FBXO31: variants seen among roughly 807,000 people sequenced by gnomAD.
FBXO31 encodes F-box protein 31.
FBXO31 carries 24 observed loss-of-function variants against 54.4 expected under a neutral mutation model. The ratio of observed to expected loss-of-function variants is 0.44; its 90% CI spans 0.32 to 0.62. The LOEUF is 0.62. Ranked by LOEUF, FBXO31 falls within the 20% of genes least tolerant of loss-of-function variation. FBXO31 has a pLI of 0.05. For missense variants in FBXO31, 665 were observed against 787.1 expected (o/e 0.84, Z 1.86); for synonymous variants, 388 against 335.6 (o/e 1.16, Z -1.71).
chr16:87,380,028 G>T (rs555446717), intron 1 of FBXO31, among the ~76,000 whole-genome samples: 4 of 147,272 alleles, frequency 2.7e-5, no homozygotes, highest in Admixed American at 6.8e-5. Context: ...GGCCTGCCGC[G>T]GTGGCTCACG....
At chr16:87,344,291 G>A (rs1023733670) in intron 3 of FBXO31, among the ~76,000 whole-genome samples, 2 of 152,248 alleles carry the variant, frequency 1.3e-5, no homozygotes, top group African/African-American at 4.8e-5. Context: ...CAAAACCGAA[G>A]TGCAGGGGAG....
intron 1 of FBXO31, among the ~76,000 whole-genome samples, chr16:87,381,237 G>C (rs145617590): frequency 6.6e-6 from 1 of 151,812 alleles, no homozygotes; most frequent in South Asian, 2.1e-4. Context: ...CAATTTGTAA[G>C]ACAAAAATAG....
intron 1 of FBXO31, among the ~76,000 whole-genome samples, chr16:87,377,062 G>A (rs910555313): frequency 6.6e-6 from 1 of 152,248 alleles, no homozygotes; most frequent in Non-Finnish European, 1.5e-5. Context: ...TCGTGAAACT[G>A]AAAATCTAGT....
chr16:87,390,396 C>T (rs1406102234), upstream of FBXO31, among the ~76,000 whole-genome samples: 2 of 152,094 alleles, frequency 1.3e-5, no homozygotes, highest in Admixed American at 6.5e-5. Flanking sequence ...GTTGGCTTCT[C>T]TAGAAGAAAT....
rs181112443 is a variant in FBXO31 at position 87,369,841 on chromosome 16, C to T, written c.341-9475G>A. Among the ~76,000 whole-genome samples, 32 of 151,722 alleles carry T rather than the reference C, an allele frequency of 2.1e-4. No homozygotes were observed. In the South Asian group the frequency reaches 4.6e-3, roughly 22 times the overall value. ...TCAGCCAGGCGACAGACTGAGACTC[C>T]GTCTCAAAAATAAATAAATAAATAA... On this transcript the variant is annotated intron_variant, in intron 1 of 8. Coordinates refer to ENST00000311635, the MANE Select transcript of FBXO31 (RefSeq NM_024735.5).
At chr16:87,384,793 G>A (rs151151257), upstream of FBXO31, among the ~76,000 whole-genome samples, 438 of 152,340 alleles carry the variant, frequency 2.9e-3, 2 homozygotes, top group South Asian at 8.3e-3. Context: ...CCAGGAGGCC[G>A]AGGCTGTAGT....
At chr16:87,355,237 A>G (rs1341533024) in intron 2 of FBXO31, among the ~76,000 whole-genome samples, 1 of 152,162 alleles carries the variant, frequency 6.6e-6, no homozygotes, top group Non-Finnish European at 1.5e-5. Flanking sequence ...CGCAAGGTCC[A>G]AAGGACTTCA....
intron 1 of FBXO31, among the ~76,000 whole-genome samples, chr16:87,376,071 A>T (rs561156084): frequency 6.6e-6 from 1 of 152,110 alleles, no homozygotes; most frequent in Non-Finnish European, 1.5e-5. Flanking sequence ...TCCAGTTGCC[A>T]GTGTATTCCC....
rs769204237 is a variant in FBXO31 at position 87,335,474 on chromosome 16, G to A, written c.843-17C>T. ...AGGCAGTTGCTGTGGGGAGCGGACG[G>A]GTCAGTACAGGAGACCTCGTGGGGC... On this transcript the variant is annotated splice_polypyrimidine_tract_variant and intron_variant, in intron 6 of 8. Coordinates refer to ENST00000311635, the MANE Select transcript of FBXO31 (RefSeq NM_024735.5). This position sits in a 1 kb window ranked among gnomAD's most constrained non-coding sequence, Gnocchi z 5.7. 2.5e-6 allele frequency: 4 copies of A among 1,608,802 alleles called. No individual in the cohort carries two copies. The African/African-American group carries it at 5.3e-5, about 21-fold the overall frequency.
chr16:87,390,815 T>C (rs1238723778), upstream of FBXO31, among the ~76,000 whole-genome samples: 1 of 152,020 alleles, frequency 6.6e-6, no homozygotes, highest in African/African-American at 2.4e-5. Flanking sequence ...CAGTCAGGTC[T>C]CAAACTCCTG....
At chr16:87,383,900 C>T, upstream of FBXO31, 3 of 476,254 alleles carry the variant, frequency 6.3e-6, no homozygotes, top group Non-Finnish European at 9.0e-6. This position sits in a 1 kb window ranked among gnomAD's most constrained non-coding sequence, Gnocchi z 4.9. Flanking sequence ...CCGCGCCACC[C>T]CCTCCCCGCG....
intron 1 of FBXO31, among the ~76,000 whole-genome samples, chr16:87,378,741 C>T (rs1269653572): frequency 6.6e-6 from 1 of 152,084 alleles, no homozygotes; most frequent in African/African-American, 2.4e-5. Flanking sequence ...GCGGGTGGAT[C>T]ATGAGGTCAG....
intron 1 of FBXO31, among the ~76,000 whole-genome samples, chr16:87,380,497 G>A (rs1907031413): frequency 6.6e-6 from 1 of 152,050 alleles, no homozygotes; most frequent in African/African-American, 2.4e-5. Context: ...GACCGCCTCA[G>A]GGTCAGGTGA....
At position 87,336,208 on chromosome 16, in the gene FBXO31, G is replaced by T. The variant is rs375884594; in HGVS notation, c.789C>A (p.His263Gln). 2 of 1,614,204 alleles carry T rather than the reference G, an allele frequency of 1.2e-6. No homozygotes were observed. The highest frequency in any genetic ancestry group is 3.3e-4 in the Middle Eastern group (2 of 6,062). ...TCAGGATGAGCTCCTGCATGTGCTC[G>T]TGGAAGATGTCCTCCAGCGTGCGCC... ...EWGRTLEDIFHEHMQELILMK... is the reference protein window; with the variant it reads ...EWGRTLEDIFQEHMQELILMK... The change falls in exon 6 of 9, where the codon CAC becomes CAA. Residue 263 changes from histidine (H) to glutamine (Q), a missense_variant. Physicochemically the swap from His to Gln is conservative, Grantham distance 24. Around this residue, in one of 4 missense-constraint regions of FBXO31, gnomAD observed 234 missense variants for 346.8 expected, o/e 0.67. Transcript: ENST00000311635. This position sits in a 1 kb window ranked among gnomAD's most constrained non-coding sequence, Gnocchi z 6.5.
At chr16:87,367,229 C>G (rs1850339740) in intron 1 of FBXO31, 3 of 152,130 alleles carry the variant, frequency 2.0e-5, no homozygotes, top group African/African-American at 7.2e-5. Context: ...GAATCCAAAG[C>G]AGGGATGAAA....
chr16:87,388,414 C>G (rs1907400011), upstream of FBXO31, among the ~76,000 whole-genome samples: 1 of 152,212 alleles, frequency 6.6e-6, no homozygotes, highest in Non-Finnish European at 1.5e-5. Flanking sequence ...TACTTGCTCT[C>G]AAGAGCAAAG....
At position 87,383,673 on chromosome 16, in the gene FBXO31, GC is replaced by G. The variant is rs1314644884; in HGVS notation, c.71del (p.Gly24AlafsTer137). ...TGTCGGCCGCCGCCGTCTCGGCCGG[GC>G]CCCGGCGCTGCTGGCGGCGCCGACA... ...RGCRRRQQRR[G>X]PAETAAADSE... On this transcript the variant is annotated frameshift_variant, in exon 1 of 9. Transcript: ENST00000311635. LOFTEE classifies it high-confidence loss of function. The surrounding 1 kb of genome is among the most constrained non-coding windows in gnomAD (Gnocchi z 4.9). 4 of 1,294,236 alleles carry G rather than the reference GC, an allele frequency of 3.1e-6. No individual in the cohort carries two copies. Among genetic ancestry groups the G allele is most frequent in the Non-Finnish European group, 2.9e-6 (3 of 1,027,628 alleles). 80.2% of individuals were successfully genotyped at this position (1,294,236 alleles called of 1,614,324 possible).
At chr16:87,384,660 G>C (rs1461799761), upstream of FBXO31, among the ~76,000 whole-genome samples, 1 of 152,254 alleles carries the variant, frequency 6.6e-6, no homozygotes, top group Non-Finnish European at 1.5e-5. Context: ...CCATCTCTTG[G>C]AGGCCCAGGC....
chr16:87,355,588 G>A (rs750531155), intron 2 of FBXO31, among the ~76,000 whole-genome samples: 10 of 152,256 alleles, frequency 6.6e-5, no homozygotes, highest in Admixed American at 2.0e-4. Flanking sequence ...AATTTTTCAA[G>A]TTTTCTACAA....
Sources: allele counts gnomAD v4.1 joint callset (sites outside exome capture counted in the v4.1 genomes callset), GRCh38; gene constraint gnomAD v4.1.1; regional missense constraint gnomAD v4.1.1; non-coding constraint Gnocchi (gnomAD v3.1); transcripts MANE v1.5; gene names NCBI Gene and HGNC (gene_info 2026-07-23, HGNC 2026-07-21).